PCYT1A: variants seen among roughly 807,000 people sequenced by gnomAD.
PCYT1A encodes the protein choline-phosphate cytidylyltransferase A.
PCYT1A carries 25 observed loss-of-function variants against 43.7 expected under a neutral mutation model. That is an observed-to-expected ratio of 0.57 (90% CI 0.42 to 0.80). PCYT1A has a LOEUF of 0.80. PCYT1A is among the 30% of genes least tolerant of loss of function. PCYT1A has a pLI of 0.00. For missense variants in PCYT1A, 421 were observed against 474.2 expected, an observed-to-expected ratio of 0.89 and a Z score of 1.04; for synonymous variants, 172 against 170.7, an observed-to-expected ratio of 1.01 and a Z score of -0.06.
At chr3:196,245,181 G>A (rs9714228) in intron 5 of PCYT1A, among the ~76,000 whole-genome samples, 18,485 of 145,386 alleles carry the variant, frequency 0.13, 1,248 homozygotes, top group South Asian at 0.26. Flanking sequence ...TCGCTCTGTC[G>A]CCCAGGCTGG....
intron 1 of PCYT1A, among the ~76,000 whole-genome samples, chr3:196,286,862 T>G (rs1444467886): frequency 6.6e-6 from 1 of 152,128 alleles, no homozygotes; most frequent in Non-Finnish European, 1.5e-5. Context: ...TGCGGTGAGC[T>G]GAGATCGCGC....
chr3:196,258,131 AG>A (rs1336380097), intron 2 of PCYT1A, among the ~76,000 whole-genome samples: 1 of 151,998 alleles, frequency 6.6e-6, no homozygotes, highest in African/African-American at 2.4e-5. Flanking sequence ...CTAAAGATAC[AG>A]AAAATTAGCC....
In PCYT1A at chr3:196,239,735, C is replaced by T. The variant is rs778480685; in HGVS notation, c.709G>A (p.Glu237Lys). 2 of 1,587,156 alleles carry T rather than the reference C, an allele frequency of 1.3e-6. No homozygotes were observed. The highest frequency in any genetic ancestry group is 8.7e-7 in the Non-Finnish European group (1 of 1,155,770). Residue 237 changes from glutamate (E) to lysine (K), a missense_variant and splice_region_variant, in exon 8 of 9, where the codon GAG becomes AAG. Transcript: ENST00000431016. ...CTCTCCTGCAAGTGGTATTTCTTCT[C>T]CTAGATAAAGAAATAACTCTTCTGA... The part of the protein sequence containing the change: ...AKELNVSFIN[E>K]KKYHLQERVD...
At chr3:196,246,562 A>G (rs1724576226) in intron 5 of PCYT1A, among the ~76,000 whole-genome samples, 1 of 152,214 alleles carries the variant, frequency 6.6e-6, no homozygotes, top group African/African-American at 2.4e-5. Flanking sequence ...ATGTGGGAGA[A>G]TTAAAAGGAG....
At chr3:196,238,929 C>T (rs752579502) in intron 8 of PCYT1A, 35 bp from the exon 9 acceptor site, 12 of 1,279,990 alleles carry the variant, frequency 9.4e-6, no homozygotes, top group Middle Eastern at 2.8e-4. Context: ...AGAAAAACAC[C>T]GTGGATCCTA....
rs764239059 is a variant in PCYT1A at position 196,241,486 on chromosome 3, TAG to T, written c.708+460_708+461del. On this transcript the variant is annotated intron_variant, in intron 7 of 8. Coordinates refer to ENST00000431016, the MANE Select transcript of PCYT1A (RefSeq NM_001312673.2). ...GAACTACCATGCCCAGAAAAATATA[TAG>T]AGTTTCTAAAAGGCAATATTAAGCT... 9.9e-5 allele frequency: 127 copies of T among 1,285,522 alleles called. 1 individual carries two copies. The Middle Eastern group carries it at 2.1e-3, about 22-fold the overall frequency. 79.6% of individuals were successfully genotyped at this position (1,285,522 alleles called of 1,614,324 possible).
At chr3:196,256,602 T>C (rs1329685411) in intron 3 of PCYT1A, among the ~76,000 whole-genome samples, 1 of 152,190 alleles carries the variant, frequency 6.6e-6, no homozygotes, top group Non-Finnish European at 1.5e-5. Context: ...TACAGTGGCA[T>C]GATCTCAGCT....
chr3:196,272,487 T>C (rs1000472185), intron 1 of PCYT1A, among the ~76,000 whole-genome samples: 1 of 152,142 alleles, frequency 6.6e-6, no homozygotes, highest in African/African-American at 2.4e-5. Context: ...CCTAGCCAAT[T>C]TTTGTATTTT....
At chr3:196,278,862 TC>T (rs1182315957) in intron 1 of PCYT1A, among the ~76,000 whole-genome samples, 1 of 150,030 alleles carries the variant, frequency 6.7e-6, no homozygotes, top group Non-Finnish European at 1.5e-5. Flanking sequence ...ATGCTTGTAG[TC>T]CCAGCTACTT....
chr3:196,246,578 G>A (rs569207619), intron 5 of PCYT1A, among the ~76,000 whole-genome samples: 168 of 152,218 alleles, frequency 1.1e-3, no homozygotes, highest in African/African-American at 4.0e-3. Context: ...AGGAGGTAAG[G>A]GGTTGATAAT....
intron 7 of PCYT1A, chr3:196,240,049 C>A (rs981737703): frequency 6.7e-6 from 2 of 300,302 alleles, no homozygotes; most frequent in African/African-American, 4.3e-5. Context: ...CATAAACATG[C>A]GCAGCATGGC....
intron 7 of PCYT1A, chr3:196,239,981 G>A (rs117234678): frequency 6.6e-6 from 3 of 455,494 alleles, no homozygotes; most frequent in Non-Finnish European, 1.2e-5. Context: ...GCTATACCCA[G>A]TAACAGGCAC....
chr3:196,263,291 C>T (rs942158531), intron 2 of PCYT1A, among the ~76,000 whole-genome samples: 3 of 152,180 alleles, frequency 2.0e-5, no homozygotes, highest in Admixed American at 6.5e-5. Context: ...CCATACCTCA[C>T]TATAACCTTG....
At chr3:196,255,416 T>C (rs1420955671) in intron 3 of PCYT1A, among the ~76,000 whole-genome samples, 2 of 152,248 alleles carry the variant, frequency 1.3e-5, no homozygotes, top group Non-Finnish European at 2.9e-5. Context: ...AATTGCTTTA[T>C]GTACTTAATG....
At chr3:196,276,270 AT>A (rs778307331) in intron 1 of PCYT1A, among the ~76,000 whole-genome samples, 9 of 152,138 alleles carry the variant, frequency 5.9e-5, no homozygotes, top group Non-Finnish European at 8.8e-5. Context: ...GAAGTATCAC[AT>A]TGTATCCCAT....
At chr3:196,245,950 C>CA (rs113177220) in intron 5 of PCYT1A, among the ~76,000 whole-genome samples, 2,481 of 106,230 alleles carry the variant, frequency 0.023, 73 homozygotes, top group African/African-American at 0.079. Context: ...AACTCTGTCT[C>CA]AAAAAAAAAA....
In PCYT1A at chr3:196,234,930, T is replaced by C. The variant is rs1046001128; in HGVS notation, c.*3758A>G. 6.6e-5 allele frequency: 10 copies of C among 152,326 alleles called. No homozygotes were observed. Among genetic ancestry groups the C allele is most frequent in the African/African-American group, 1.7e-4 (7 of 41,570 alleles). The allele number at this position is 152,326 out of a possible 1,614,324, so 9.4% of individuals were successfully genotyped here. ...AAAATAGAACCTTTAAAAATACTTA[T>C]ATTGGTAAGCTTAAAAAAATATCAT... On this transcript the variant is annotated 3_prime_UTR_variant, in exon 9 of 9. Coordinates refer to ENST00000431016, the MANE Select transcript of PCYT1A (RefSeq NM_001312673.2).
chr3:196,267,882 C>A (rs952695752), intron 2 of PCYT1A, among the ~76,000 whole-genome samples: 1 of 152,032 alleles, frequency 6.6e-6, no homozygotes, highest in Non-Finnish European at 1.5e-5. Context: ...TTATAGAGTT[C>A]AAAGGAGATT....
chr3:196,284,727 T>G (rs564874362), intron 1 of PCYT1A, among the ~76,000 whole-genome samples: 1 of 152,334 alleles, frequency 6.6e-6, no homozygotes, highest in South Asian at 2.1e-4. Context: ...CAGGCCATCA[T>G]GCTAGTTTTC....
Sources: allele counts gnomAD v4.1 joint callset (sites outside exome capture counted in the v4.1 genomes callset), GRCh38; gene constraint gnomAD v4.1.1; transcripts MANE v1.5; gene names NCBI Gene and HGNC (gene_info 2026-07-23, HGNC 2026-07-21).